Variants in DACH1 observed in about 807,000 individuals in gnomAD.
DACH1 encodes dachshund family transcription factor 1, also known as dachshund homolog 1.
A neutral mutation model predicts 54.2 loss-of-function variants in DACH1; 12 were observed. That is an observed-to-expected ratio of 0.22 (90% CI 0.14 to 0.36). The LOEUF is 0.36. Ranked by LOEUF, DACH1 falls within the 10% of genes least tolerant of loss-of-function variation. DACH1 has a pLI of 1.00. For missense variants in DACH1, 805 were observed against 929.8 expected, an observed-to-expected ratio of 0.87 and a Z score of 1.75; for synonymous variants, 386 against 366.2, an observed-to-expected ratio of 1.05 and a Z score of -0.62.
At chr13:71,610,563 C>T (rs1191464384) in intron 3 of DACH1, among the ~76,000 whole-genome samples, 1 of 152,126 alleles carries the variant, frequency 6.6e-6, no homozygotes, top group Non-Finnish European at 1.5e-5. Flanking sequence ...TATGCACATA[C>T]ATAGGCACTG....
At position 71,681,881 on chromosome 13, in the gene DACH1, G is replaced by C. The variant is rs1475972974; in HGVS notation, c.878C>G (p.Thr293Ser). ...SSRPGRPPKR[T>S]QSVTSPENSH... is the part of the protein sequence containing the mutation. Reference sequence around the variant, plus strand: ...GTTCTCTGGGGAGGTGACACTTTGAGTCCTCTTAGGAGGCCTTCCAGGTCT... The same window carrying C: ...GTTCTCTGGGGAGGTGACACTTTGACTCCTCTTAGGAGGCCTTCCAGGTCT... The change falls in exon 2 of 11, where the codon ACT (threonine) becomes AGT (serine). Residue 293 changes from threonine (T) to serine (S), a missense_variant. Physicochemically the swap from Thr to Ser is moderately conservative, Grantham distance 58 (BLOSUM62 1). Coordinates refer to ENST00000613252, the MANE Select transcript of DACH1 (RefSeq NM_080759.6). 1 of 1,613,584 alleles carries C rather than the reference G, an allele frequency of 6.2e-7. No individual in the cohort carries two copies. Among genetic ancestry groups the C allele is most frequent in the East Asian group, 2.2e-5 (1 of 44,836 alleles).
chr13:71,779,185 A>G (rs1317112127), intron 1 of DACH1, among the ~76,000 whole-genome samples: 4 of 128,278 alleles, frequency 3.1e-5, no homozygotes, highest in African/African-American at 1.3e-4. Context: ...ATACACATAT[A>G]TACGTATATA....
intron 1 of DACH1, among the ~76,000 whole-genome samples, chr13:71,797,003 T>C (rs1049759309): frequency 9.9e-5 from 15 of 152,152 alleles, no homozygotes; most frequent in African/African-American, 3.6e-4. Context: ...TTTTTTCACA[T>C]ATAGAAATTC....
At chr13:71,843,094 A>C (rs1453057041) in intron 1 of DACH1, among the ~76,000 whole-genome samples, 1 of 151,702 alleles carries the variant, frequency 6.6e-6, no homozygotes, top group Non-Finnish European at 1.5e-5. Context: ...TTAATTTTTA[A>C]TTTTTATGGG....
At chr13:71,680,446 A>G (rs1447525084) in intron 2 of DACH1, among the ~76,000 whole-genome samples, 2 of 152,070 alleles carry the variant, frequency 1.3e-5, no homozygotes, top group Non-Finnish European at 2.9e-5. Flanking sequence ...TAGAAAAAAA[A>G]TACAAAAATT....
At chr13:71,786,080 C>A (rs970695640) in intron 1 of DACH1, among the ~76,000 whole-genome samples, 1 of 151,746 alleles carries the variant, frequency 6.6e-6, no homozygotes, top group Non-Finnish European at 1.5e-5. Flanking sequence ...GTTTAAAAGG[C>A]GGGTAGAGAG....
chr13:71,822,347 A>C (rs750290727), intron 1 of DACH1, among the ~76,000 whole-genome samples: 3 of 152,240 alleles, frequency 2.0e-5, no homozygotes, highest in Non-Finnish European at 4.4e-5. Context: ...CCTTTAATAT[A>C]GTAAAAGTAA....
At chr13:71,727,679 T>C (rs1304620857) in intron 1 of DACH1, among the ~76,000 whole-genome samples, 2 of 152,058 alleles carry the variant, frequency 1.3e-5, no homozygotes, top group East Asian at 1.9e-4. Flanking sequence ...CTGTGGAATG[T>C]AGTTGGCACA....
At chr13:71,533,476 T>C (rs1053794118) in intron 6 of DACH1, among the ~76,000 whole-genome samples, 3 of 152,052 alleles carry the variant, frequency 2.0e-5, no homozygotes, top group African/African-American at 7.2e-5. Context: ...TTAAATACTA[T>C]GATGTTGATA....
At chr13:71,571,680 C>A (rs1410085066) in intron 4 of DACH1, among the ~76,000 whole-genome samples, 3 of 148,744 alleles carry the variant, frequency 2.0e-5, no homozygotes, top group Admixed American at 6.7e-5. Context: ...AATATAAGAA[C>A]AATTCCTATT....
chr13:71,532,105 T>C (rs1882458405), intron 6 of DACH1, among the ~76,000 whole-genome samples: 1 of 151,976 alleles, frequency 6.6e-6, no homozygotes, highest in Non-Finnish European at 1.5e-5. Context: ...CTAAGGTCTC[T>C]GATAACCAAA....
intron 6 of DACH1, among the ~76,000 whole-genome samples, chr13:71,530,181 T>G (rs968768215): frequency 1.3e-5 from 2 of 152,142 alleles, no homozygotes; most frequent in African/African-American, 4.8e-5. Flanking sequence ...CATATATGAC[T>G]TGGAACACTA....
chr13:71,691,805 G>T (rs1201098899), intron 1 of DACH1, among the ~76,000 whole-genome samples: 1 of 152,120 alleles, frequency 6.6e-6, no homozygotes, highest in Non-Finnish European at 1.5e-5. Flanking sequence ...GTAGCTCATG[G>T]TCTATTTTGG....
chr13:71,536,770 G>A (rs1016010392), intron 6 of DACH1, among the ~76,000 whole-genome samples: 2 of 151,984 alleles, frequency 1.3e-5, no homozygotes, highest in African/African-American at 2.4e-5. Context: ...AGACACTCTT[G>A]AGCTTTCTCT....
intron 3 of DACH1, among the ~76,000 whole-genome samples, chr13:71,626,276 C>T (rs1439685543): frequency 2.0e-5 from 3 of 151,836 alleles, no homozygotes; most frequent in African/African-American, 7.3e-5. Context: ...TATTTATATA[C>T]TATTTAAAAA....
chr13:71,519,343 T>C (rs1399834916), intron 6 of DACH1, among the ~76,000 whole-genome samples: 4 of 151,716 alleles, frequency 2.6e-5, no homozygotes, highest in Non-Finnish European at 5.9e-5. Context: ...AAATCACAAG[T>C]GAGTTTTTGG....
At position 71,710,369 on chromosome 13, in the gene DACH1, C is replaced by T. The variant is rs148109202; in HGVS notation, c.849-28459G>A. ...GCAAATTGGACCATTGAGAGGGATG[C>T]GCAGAGGATCATAGAAAGCCCCAGA... On this transcript the variant is annotated intron_variant, in intron 1 of 10. Transcript: ENST00000613252. 4.0e-5 allele frequency among the ~76,000 whole-genome samples: 6 copies of T among 151,612 alleles called. 1 individual carries two copies. The South Asian group carries it at 8.3e-4, about 21-fold the overall frequency.
At chr13:71,820,427 T>C (rs1268522851) in intron 1 of DACH1, among the ~76,000 whole-genome samples, 1 of 152,170 alleles carries the variant, frequency 6.6e-6, no homozygotes, top group East Asian at 1.9e-4. Context: ...TGCCACAGAG[T>C]CTATCTAAAG....
At chr13:71,860,269 G>A (rs79465572) in intron 1 of DACH1, among the ~76,000 whole-genome samples, 10,740 of 150,962 alleles carry the variant, frequency 0.071, 419 homozygotes, top group African/African-American at 0.089. Flanking sequence ...TCTTAAACTG[G>A]CCAATCACAA....
Sources: gnomAD v4.1 joint callset for allele counts (sites outside exome capture counted in the v4.1 genomes callset) on GRCh38, gnomAD v4.1.1 for gene constraint, MANE v1.5 for transcripts, NCBI Gene and HGNC (gene_info 2026-07-23, HGNC 2026-07-21) for gene names.